The following LRRC40 variants were observed in gnomAD, a reference collection of about 807,000 sequenced individuals.
LRRC40 encodes leucine-rich repeat-containing protein 40.
LRRC40 carries 76 observed loss-of-function variants against 72.8 expected under a neutral mutation model. The ratio of observed to expected loss-of-function variants is 1.04; its 90% CI spans 0.87 to 1.26. The LOEUF (loss-of-function observed/expected upper bound fraction) is 1.26. Among genes scored for constraint, LRRC40 ranks in the 50% most tolerant of loss-of-function variants. The pLI, the probability that LRRC40 is intolerant of heterozygous loss-of-function variation, is 0.00. For synonymous variants in LRRC40, 243 were observed against 254.2 expected, an observed-to-expected ratio of 0.96 and a Z score of 0.42; for missense variants, 684 against 698.9, an observed-to-expected ratio of 0.98 and a Z score of 0.24.
chr1:70,151,286 G>GA lies in LRRC40; in HGVS notation c.1440-82dup, dbSNP rs914975018. The GA allele has an allele frequency of 1.2e-3, 782 of 662,426 alleles. 1 individual carries two copies. Among genetic ancestry groups the GA allele is most frequent in the Middle Eastern group, 2.1e-3 (5 of 2,376 alleles). 41.0% of individuals were successfully genotyped at this position (662,426 alleles called of 1,614,324 possible). ...AATTTATAATTAAAATATTGAGCAG[G>GA]AAAAAAAAATATGTAGATCAGTTTG... On this transcript the variant is annotated intron_variant, in intron 12 of 14. Transcript: ENST00000370952.
chr1:70,202,226 A>G (rs1668756785), intron 1 of LRRC40, among the ~76,000 whole-genome samples: 1 of 152,174 alleles, frequency 6.6e-6, no homozygotes, highest in Non-Finnish European at 1.5e-5. Context: ...ATATCCAGAC[A>G]AAAACCTGAA....
chr1:70,152,906 G>C (rs2100232796), intron 11 of LRRC40, among the ~76,000 whole-genome samples: 1 of 152,156 alleles, frequency 6.6e-6, no homozygotes, highest in East Asian at 1.9e-4. Flanking sequence ...AAAACAAATT[G>C]TTAAACAGAC....
At chr1:70,177,038 G>A (rs979573221) in intron 6 of LRRC40, among the ~76,000 whole-genome samples, 3 of 152,190 alleles carry the variant, frequency 2.0e-5, no homozygotes, top group African/African-American at 7.2e-5. Flanking sequence ...CACTCTGGGA[G>A]GTGGAGACAG....
chr1:70,175,523 A>AG (rs921822714), intron 7 of LRRC40, among the ~76,000 whole-genome samples: 1 of 152,104 alleles, frequency 6.6e-6, no homozygotes, highest in African/African-American at 2.4e-5. Context: ...ATTTAGTTCT[A>AG]GGGGGTAACT....
chr1:70,167,958 G>A lies in LRRC40; in HGVS notation c.1111+5507C>T, dbSNP rs186069688. Among the ~76,000 whole-genome samples, 12 of 152,302 alleles carry A rather than the reference G, an allele frequency of 7.9e-5. 1 individual carries two copies. In the East Asian group the frequency reaches 2.3e-3, roughly 29 times the overall value. On this transcript the variant is annotated intron_variant, in intron 9 of 14. Coordinates refer to ENST00000370952, the MANE Select transcript of LRRC40 (RefSeq NM_017768.5). ...GCAAACAGCAAATGAAGAAATAGCT[G>A]TTCAAGAAAATCTATGGAAATTTTG... is the stretch of plus-strand genomic sequence containing the variant.
chr1:70,172,735 C>G (rs887819063), intron 9 of LRRC40, among the ~76,000 whole-genome samples: 2 of 152,074 alleles, frequency 1.3e-5, no homozygotes, highest in Non-Finnish European at 2.9e-5. Context: ...CTAAACTACA[C>G]AATTATCTTA....
intron 9 of LRRC40, among the ~76,000 whole-genome samples, chr1:70,161,231 C>A (rs1214850234): frequency 6.6e-6 from 1 of 151,462 alleles, no homozygotes; most frequent in Non-Finnish European, 1.5e-5. Context: ...GCTACTGGTG[C>A]CCGCCACCAC....
At chr1:70,201,159 C>G (rs1668729170) in intron 1 of LRRC40, among the ~76,000 whole-genome samples, 1 of 151,940 alleles carries the variant, frequency 6.6e-6, no homozygotes, top group South Asian at 2.1e-4. Flanking sequence ...CACAGCAAGA[C>G]CCTGTCTCAA....
intron 11 of LRRC40, among the ~76,000 whole-genome samples, 175 bp downstream of exon 11, chr1:70,155,514 T>C (rs928961772): frequency 2.0e-5 from 3 of 152,008 alleles, no homozygotes; most frequent in Non-Finnish European, 4.4e-5. Flanking sequence ...AATGATAAAA[T>C]TGTGTCAGTA....
chr1:70,151,144 T>C lies in LRRC40; in HGVS notation c.1501A>G (p.Asn501Asp), dbSNP rs751228813. 7.0e-6 allele frequency: 11 copies of C among 1,566,878 alleles called. No homozygotes were observed. In the Admixed American group the frequency reaches 1.8e-4, roughly 26 times the overall value. ...TTCTCTTACCTATTAAAGGAAAGAT[T>C]GATCGTTTGCAGTCTTACCAGTGAT... ...MESLVRLQTI[N>D]LSFNRFKMLP... The change falls in exon 13 of 15, where the codon AAT becomes GAT. Residue 501 changes from asparagine (N) to aspartate (D), a missense_variant. Coordinates refer to ENST00000370952, the MANE Select transcript of LRRC40 (RefSeq NM_017768.5).
intron 4 of LRRC40, among the ~76,000 whole-genome samples, chr1:70,184,030 T>C (rs575511138): frequency 3.3e-5 from 5 of 152,018 alleles, no homozygotes; most frequent in Admixed American, 6.6e-5. Flanking sequence ...GGGTGGATCA[T>C]TTGAGGTCAG....
chr1:70,154,538 C>A (rs1423114930), intron 11 of LRRC40, among the ~76,000 whole-genome samples: 6 of 152,088 alleles, frequency 3.9e-5, no homozygotes, highest in African/African-American at 1.4e-4. Context: ...CAAGAGAGAA[C>A]CAGAAGATGG....
chr1:70,154,219 A>G (rs1667585568), intron 11 of LRRC40, among the ~76,000 whole-genome samples: 1 of 152,188 alleles, frequency 6.6e-6, no homozygotes, highest in Non-Finnish European at 1.5e-5. Flanking sequence ...GGAACTTTCT[A>G]GAGAAAAGCA....
chr1:70,150,187 G>A (rs1667439901), intron 13 of LRRC40, among the ~76,000 whole-genome samples: 1 of 152,074 alleles, frequency 6.6e-6, no homozygotes, highest in East Asian at 1.9e-4. Context: ...CCAAAGTGCT[G>A]GGATTACAGG....
At position 70,203,648 on chromosome 1, in the gene LRRC40, C is replaced by T. The variant is rs528244221; in HGVS notation, c.151+1742G>A. 2.6e-5 allele frequency among the ~76,000 whole-genome samples: 4 copies of T among 152,308 alleles called. No homozygotes were observed. The South Asian group carries it at 8.3e-4, about 32-fold the overall frequency. ...TTTTTATGTACCAGGCACTTTATTT[C>T]ATTTTATCTCATTTAGACCTTAATA... is the stretch of plus-strand genomic sequence containing the variant. On this transcript the variant is annotated intron_variant, in intron 1 of 14. Coordinates refer to ENST00000370952, the MANE Select transcript of LRRC40 (RefSeq NM_017768.5).
chr1:70,201,527 A>G (rs1668737253), intron 1 of LRRC40, among the ~76,000 whole-genome samples: 1 of 152,204 alleles, frequency 6.6e-6, no homozygotes, highest in Admixed American at 6.5e-5. Context: ...AAAGACAACT[A>G]TGATCAACAA....
rs777202337 is a variant in LRRC40, at chr1:70,205,531, G to A, written c.10C>T (p.Leu4=). Residue 4 remains leucine (L), a synonymous_variant, in exon 1 of 15, where the codon CTG becomes TTG. Coordinates refer to ENST00000370952, the MANE Select transcript of LRRC40 (RefSeq NM_017768.5). ...AGATCCTGCCCCGCTATCCGCTTCA[G>A]GCGCGACATGTTCAAAGTCCTAGGT... The part of the protein sequence containing the change: MSR[L]KRIAGQDLRA... 6.3e-7 allele frequency: 1 copy of A among 1,595,566 alleles called. No homozygotes were observed. Among genetic ancestry groups the A allele is most frequent in the South Asian group, 1.1e-5 (1 of 89,620 alleles).
chr1:70,149,574 C>T (rs1450932665), intron 13 of LRRC40, among the ~76,000 whole-genome samples: 1 of 152,138 alleles, frequency 6.6e-6, no homozygotes, highest in Non-Finnish European at 1.5e-5. Flanking sequence ...TCCCCAAAGA[C>T]ATTACTTGCA....
intron 1 of LRRC40, among the ~76,000 whole-genome samples, chr1:70,198,443 T>C (rs568789702): frequency 3.9e-5 from 6 of 152,336 alleles, no homozygotes; most frequent in Non-Finnish European, 7.3e-5. Flanking sequence ...TGTTCTACCA[T>C]GGTCATGCAA....
Sources: allele counts gnomAD v4.1 joint callset (sites outside exome capture counted in the v4.1 genomes callset), GRCh38; gene constraint gnomAD v4.1.1; transcripts MANE v1.5; gene names NCBI Gene and HGNC (gene_info 2026-07-23, HGNC 2026-07-21).